RAB3IL1: variants seen among roughly 807,000 people sequenced by gnomAD.
The protein encoded by RAB3IL1 is RAB3A interacting protein like 1, also known as guanine nucleotide exchange factor for Rab-3A.
A neutral mutation model predicts 49.2 loss-of-function variants in RAB3IL1; 37 were observed. The observed-to-expected ratio is 0.75, with a 90% confidence interval of 0.58 to 0.99. The LOEUF is 0.99. Ranked by LOEUF, RAB3IL1 falls within the 50% of genes least tolerant of loss-of-function variation. The pLI is 0.00. For synonymous variants in RAB3IL1, 193 were observed against 213.9 expected, an observed-to-expected ratio of 0.90 and a Z score of 0.85; for missense variants, 484 against 513.0, an observed-to-expected ratio of 0.94 and a Z score of 0.55.
At chr11:61,940,438 G>A in the RAB3IL1 span, among the ~76,000 whole-genome samples, 8 of 148,062 alleles carry the variant, frequency 5.4e-5, no homozygotes, top group African/African-American at 1.0e-4. Context: ...GTGAAACTCC[G>A]TCTCAAAAAA....
upstream of RAB3IL1, among the ~76,000 whole-genome samples, chr11:61,918,044 C>A (rs1591242107): frequency 6.6e-6 from 1 of 152,202 alleles, no homozygotes. Context: ...GTTTCCACTT[C>A]TGGTCCAACT....
intron 1 of RAB3IL1, among the ~76,000 whole-genome samples, chr11:61,910,435 G>T (rs1203859085): frequency 1.3e-5 from 2 of 152,178 alleles, no homozygotes; most frequent in African/African-American, 4.8e-5. Flanking sequence ...GCCAGATGGG[G>T]CAAGCCTGGG....
the RAB3IL1 span, among the ~76,000 whole-genome samples, chr11:61,934,452 A>ATGTATATG: frequency 1.6e-4 from 2 of 12,496 alleles, no homozygotes; most frequent in Admixed American, 9.6e-4. Flanking sequence ...GTGTGTATGT[A>ATGTATATG]TATATATATA....
intron 1 of RAB3IL1, among the ~76,000 whole-genome samples, chr11:61,908,911 C>T (rs955153262): frequency 1.3e-5 from 2 of 152,186 alleles, no homozygotes; most frequent in Non-Finnish European, 1.5e-5. Context: ...GGGGAGCAGT[C>T]CCAGCTCTCC....
At chr11:61,918,541 G>A (rs1379682156), upstream of RAB3IL1, among the ~76,000 whole-genome samples, 3 of 152,238 alleles carry the variant, frequency 2.0e-5, no homozygotes, top group African/African-American at 7.2e-5. Context: ...CACTCCATCT[G>A]AGCATAGACT....
At chr11:61,944,921 G>T in the RAB3IL1 span, among the ~76,000 whole-genome samples, 15,999 of 152,074 alleles carry the variant, frequency 0.11, 2,717 homozygotes, top group African/African-American at 0.36. Flanking sequence ...GGCTGGTCTT[G>T]AATTCCTGAC....
chr11:61,902,348 G>T, intron 8 of RAB3IL1, 94 bp downstream of exon 8: 1 of 1,006,086 alleles, frequency 9.9e-7, no homozygotes, highest in Non-Finnish European at 1.5e-6. Flanking sequence ...AAATCAAGGT[G>T]TAGTGCTATT....
chr11:61,924,304 G>A (rs1376541823), upstream of RAB3IL1, among the ~76,000 whole-genome samples: 1 of 152,182 alleles, frequency 6.6e-6, no homozygotes, highest in African/African-American at 2.4e-5. Context: ...TACAGCCCCT[G>A]CCAGTAAGTC....
At chr11:61,926,103 C>CTAAAAA in the RAB3IL1 span, among the ~76,000 whole-genome samples, 1 of 17,574 alleles carries the variant, frequency 5.7e-5, no homozygotes, top group Non-Finnish European at 1.3e-4. Flanking sequence ...CTCCTTCCTG[C>CTAAAAA]CAAAAAAAAA....
At chr11:61,910,468 G>C (rs1264469532) in intron 1 of RAB3IL1, among the ~76,000 whole-genome samples, 1 of 152,170 alleles carries the variant, frequency 6.6e-6, no homozygotes, top group Non-Finnish European at 1.5e-5. Context: ...CTCTGACCTG[G>C]GGTACACATG....
the RAB3IL1 span, among the ~76,000 whole-genome samples, chr11:61,941,662 G>T: frequency 1.3e-5 from 2 of 152,172 alleles, 1 homozygote; most frequent in Non-Finnish European, 2.9e-5. Context: ...TGAGGCAGGA[G>T]AATGGCGTGA....
the RAB3IL1 span, among the ~76,000 whole-genome samples, chr11:61,931,431 C>T: frequency 6.6e-6 from 1 of 152,280 alleles, no homozygotes; most frequent in South Asian, 2.1e-4. Flanking sequence ...AGATCTAAGA[C>T]GAATGTTACC....
At chr11:61,902,355 T>C in intron 8 of RAB3IL1, 87 bp downstream of exon 8, 1 of 1,081,878 alleles carries the variant, frequency 9.2e-7, no homozygotes, top group Non-Finnish European at 1.4e-6. Flanking sequence ...GGTGTAGTGC[T>C]ATTCATACTC....
rs565956578 is a variant in RAB3IL1, at chr11:61,902,928, C to T, written c.900-387G>A. ...CCAGAGTTGAGGTCTGGCTGCCTCC[C>T]GCTTCCCAACATCCAGCAGCTCCCC... On this transcript the variant is annotated intron_variant, in intron 7 of 9. Transcript: ENST00000394836. Among the ~76,000 whole-genome samples the T allele has an allele frequency of 3.0e-4, 46 of 152,264 alleles. 2 individuals are homozygous for T. The South Asian group carries it at 9.1e-3, about 30-fold the overall frequency.
upstream of RAB3IL1, among the ~76,000 whole-genome samples, chr11:61,918,411 T>C (rs1263717610): frequency 3.3e-5 from 5 of 152,244 alleles, no homozygotes; most frequent in African/African-American, 1.2e-4. Flanking sequence ...TTCTAGGTGC[T>C]ACCAGAGGTC....
rs1322192778 is a variant in RAB3IL1, at chr11:61,898,779, ATGCCTT to A, written c.1067-425_1067-420del. 13 of 471,830 alleles carry A rather than the reference ATGCCTT, an allele frequency of 2.8e-5. No homozygotes were observed. The highest frequency in any genetic ancestry group is 5.0e-5 in the Non-Finnish European group (12 of 237,876). The allele number at this position is 471,830 out of a possible 1,614,324, so 29.2% of individuals were successfully genotyped here. ...GACCTAGCAGGTGTCAACACCCAGC[ATGCCTT>A]GGCCTTGGCCTCCAAGAGGACTTGA... On this transcript the variant is annotated intron_variant, in intron 9 of 9. Coordinates refer to ENST00000394836, the MANE Select transcript of RAB3IL1 (RefSeq NM_013401.4). The surrounding 1 kb of genome is among the most constrained non-coding windows in gnomAD (Gnocchi z 5.1).
At chr11:61,907,349 G>C (rs73491241) in intron 4 of RAB3IL1, 44 bp downstream of exon 4, 179 of 1,598,612 alleles carry the variant, frequency 1.1e-4, no homozygotes, top group Admixed American at 3.5e-4. Flanking sequence ...CGGGAGGCAG[G>C]GGGGGTGCCT....
Position 61,899,364 on chromosome 11 carries a change from T to C in RAB3IL1, c.1016A>G (p.Asn339Ser), listed in dbSNP as rs1365927108. Residue 339 changes from asparagine (N) to serine (S), a missense_variant, in exon 9 of 10, where the codon AAC (asparagine) becomes AGC (serine). Physicochemically the swap from Asn to Ser is conservative, Grantham distance 46 (BLOSUM62 1). Transcript: ENST00000394836. ...SSRARITAVC[N>S]FFTYIRYIQQ... is the part of the protein sequence containing the mutation. ...GATGTAGCGGATGTAGGTGAAGAAG[T>C]TGCACACTGCGGTGATCTGTGGGCA... The C allele has an allele frequency of 5.0e-6, 8 of 1,609,360 alleles. No individual in the cohort carries two copies. The highest frequency in any genetic ancestry group is 4.4e-5 in the South Asian group (4 of 90,960).
upstream of RAB3IL1, among the ~76,000 whole-genome samples, chr11:61,919,518 T>G (rs1188105635): frequency 6.6e-6 from 1 of 152,142 alleles, no homozygotes; most frequent in Non-Finnish European, 1.5e-5. Flanking sequence ...CCAGGGGCAG[T>G]GGGGCTGAGT....
Sources: gnomAD v4.1 joint callset for allele counts (sites outside exome capture counted in the v4.1 genomes callset) on GRCh38, gnomAD v4.1.1 for gene constraint, Gnocchi (gnomAD v3.1) non-coding constraint, MANE v1.5 for transcripts, NCBI Gene and HGNC (gene_info 2026-07-23, HGNC 2026-07-21) for gene names.